Variants in ZMIZ1 observed in about 807,000 individuals in gnomAD.
ZMIZ1 encodes the protein zinc finger MIZ-type containing 1.
ZMIZ1 carries 17 observed loss-of-function variants against 113.9 expected under a neutral mutation model. The ratio of observed to expected loss-of-function variants is 0.15; its 90% CI spans 0.10 to 0.22. The LOEUF is 0.22. Among genes scored for constraint, ZMIZ1 ranks in the 10% least tolerant of loss-of-function variants. The probability of loss-of-function intolerance (pLI) is 1.00; values close to 1 mark genes in which losing one functional copy is unlikely to be tolerated. For missense variants in ZMIZ1, 1,059 were observed against 1,477.8 expected, an observed-to-expected ratio of 0.72 and a Z score of 4.65; for synonymous variants, 607 against 603.1, an observed-to-expected ratio of 1.01 and a Z score of -0.09.
In ZMIZ1 at chr10:79,183,430, T is replaced by C. The variant is rs77099969; in HGVS notation, c.-49-18154T>C. On this transcript the variant is annotated intron_variant, in intron 4 of 24. Coordinates refer to ENST00000334512, the MANE Select transcript of ZMIZ1 (RefSeq NM_020338.4). ...GACACAGTCCAGGTCCTGCTTGATA[T>C]TCCCCAGTTCTCTAGGTTGATGAGC... Among the ~76,000 whole-genome samples the C allele has an allele frequency of 2.6e-3, 399 of 152,172 alleles. 3 individuals carry two copies. The highest frequency in any genetic ancestry group is 9.0e-3 in the African/African-American group (374 of 41,502).
chr10:79,192,499 G>A (rs544544548), intron 4 of ZMIZ1, among the ~76,000 whole-genome samples: 9 of 152,328 alleles, frequency 5.9e-5, no homozygotes, highest in African/African-American at 1.7e-4. Context: ...CCACCCTTCC[G>A]GAAGCTTTGA....
intron 7 of ZMIZ1, among the ~76,000 whole-genome samples, chr10:79,219,979 C>A (rs1848895844): frequency 6.6e-6 from 1 of 152,188 alleles, no homozygotes; most frequent in Non-Finnish European, 1.5e-5. Context: ...GAGGAGGAAG[C>A]CTCTACCTGG....
chr10:79,256,942 G>C (rs1850946182), intron 7 of ZMIZ1, among the ~76,000 whole-genome samples: 2 of 152,202 alleles, frequency 1.3e-5, no homozygotes, highest in African/African-American at 4.8e-5. Flanking sequence ...CTTGCTCCAG[G>C]TGACACAGCC....
chr10:79,193,694 A>C (rs703967), intron 4 of ZMIZ1, among the ~76,000 whole-genome samples: 64,841 of 151,950 alleles, frequency 0.43, 14,062 homozygotes, highest in Non-Finnish European at 0.46. Flanking sequence ...TGGAGGGGAT[A>C]GGGATGGAAA....
chr10:79,267,957 A>G (rs904497705), intron 7 of ZMIZ1, among the ~76,000 whole-genome samples: 1 of 152,088 alleles, frequency 6.6e-6, no homozygotes, highest in African/African-American at 2.4e-5. Flanking sequence ...GTGCATGGCT[A>G]TAGAACTTGG....
At chr10:79,254,937 C>T (rs547338417) in intron 7 of ZMIZ1, among the ~76,000 whole-genome samples, 20 of 152,356 alleles carry the variant, frequency 1.3e-4, no homozygotes, top group South Asian at 6.2e-4. Context: ...AGAAACAAAC[C>T]TCTTGCAGCC....
intron 7 of ZMIZ1, among the ~76,000 whole-genome samples, chr10:79,270,701 G>T (rs567432066): frequency 6.6e-6 from 1 of 152,290 alleles, no homozygotes; most frequent in African/African-American, 2.4e-5. Context: ...TGTCGCTTCT[G>T]CTGAGGTCAA....
At chr10:79,177,207 C>T (rs974398265) in intron 4 of ZMIZ1, among the ~76,000 whole-genome samples, 1 of 152,196 alleles carries the variant, frequency 6.6e-6, no homozygotes, top group African/African-American at 2.4e-5. Context: ...AAGCTGGCCT[C>T]GCTCTCAGGA....
At chr10:79,300,271 C>T (rs1388107410) in intron 16 of ZMIZ1, among the ~76,000 whole-genome samples, 1 of 152,160 alleles carries the variant, frequency 6.6e-6, no homozygotes, top group Admixed American at 6.5e-5. Flanking sequence ...CCTGACACTC[C>T]TCAGTGCTGC....
chr10:79,149,383 G>A (rs1845618987), intron 3 of ZMIZ1, among the ~76,000 whole-genome samples: 1 of 152,166 alleles, frequency 6.6e-6, no homozygotes, highest in African/African-American at 2.4e-5. Flanking sequence ...GAGGGCTGAG[G>A]GCCTCTGTTC....
chr10:79,074,569 G>A (rs1291011594), intron 1 of ZMIZ1, among the ~76,000 whole-genome samples: 1 of 152,216 alleles, frequency 6.6e-6, no homozygotes, highest in African/African-American at 2.4e-5. Context: ...GGAGTAGGAG[G>A]CAGAGGTGTT....
intron 1 of ZMIZ1, among the ~76,000 whole-genome samples, chr10:79,079,087 C>T (rs1842575007): frequency 6.6e-6 from 1 of 152,218 alleles, no homozygotes; most frequent in African/African-American, 2.4e-5. Context: ...CTTTTTAACC[C>T]ACCCTCCAGC....
chr10:79,290,944 C>T lies in ZMIZ1; in HGVS notation c.541-15C>T. On this transcript the variant is annotated splice_polypyrimidine_tract_variant and intron_variant, in intron 9 of 24. Transcript: ENST00000334512. ...CGGGTAGCACCTTAGGTGACAACCA[C>T]TTCTCTGCCCACAGGTCCTTGGGAA... is the stretch of plus-strand genomic sequence containing the variant. 1 of 1,610,952 alleles carries T rather than the reference C, an allele frequency of 6.2e-7. No individual in the cohort carries two copies. Among genetic ancestry groups the T allele is most frequent in the Non-Finnish European group, 8.5e-7 (1 of 1,177,454 alleles).
At chr10:79,266,129 C>CCACCCCCTGTCTTTTA (rs1438743129) in intron 7 of ZMIZ1, among the ~76,000 whole-genome samples, 1 of 152,168 alleles carries the variant, frequency 6.6e-6, no homozygotes, top group Non-Finnish European at 1.5e-5. Context: ...AGAGCAGTGC[C>CCACCCCCTGTCTTTTA]CACCCCCTGT....
intron 1 of ZMIZ1, among the ~76,000 whole-genome samples, chr10:79,104,950 GGTGT>G (rs58453718): frequency 0.18 from 25,812 of 139,974 alleles, 2,274 homozygotes; most frequent in East Asian, 0.24. Flanking sequence ...GTTGTTGTGG[GGTGT>G]GTGTGTGTGT....
chr10:79,274,581 TA>T (rs1277235424), intron 7 of ZMIZ1, among the ~76,000 whole-genome samples: 1 of 152,124 alleles, frequency 6.6e-6, no homozygotes, highest in Admixed American at 6.5e-5. Context: ...GTTTGCACCA[TA>T]AGGAGAACAC....
At chr10:79,131,332 G>A (rs1407405251) in intron 2 of ZMIZ1, among the ~76,000 whole-genome samples, 1 of 152,116 alleles carries the variant, frequency 6.6e-6, no homozygotes, top group Admixed American at 6.5e-5. Flanking sequence ...CTTCGGTGGC[G>A]GGGGATTGGG....
At chr10:79,110,208 A>T (rs7914219) in intron 1 of ZMIZ1, among the ~76,000 whole-genome samples, 40,676 of 152,202 alleles carry the variant, frequency 0.27, 5,662 homozygotes, top group Admixed American at 0.33. Flanking sequence ...TGTTCGTAGT[A>T]GTATCCATCT....
chr10:79,233,639 G>A (rs1849481164), intron 7 of ZMIZ1, among the ~76,000 whole-genome samples: 1 of 152,228 alleles, frequency 6.6e-6, no homozygotes, highest in East Asian at 1.9e-4. Context: ...CATCCACAGG[G>A]CTGAGATCAC....
Sources: allele counts gnomAD v4.1 joint callset (sites outside exome capture counted in the v4.1 genomes callset), GRCh38; gene constraint gnomAD v4.1.1; transcripts MANE v1.5; gene names NCBI Gene and HGNC (gene_info 2026-07-23, HGNC 2026-07-21).